Variants in ANKRD30BL observed in about 807,000 individuals in gnomAD.
ANKRD30BL encodes the protein putative ankyrin repeat domain-containing protein 30B-like.
ANKRD30BL carries 20 observed loss-of-function variants against 18.4 expected under a neutral mutation model. That is an observed-to-expected ratio of 1.09 (90% CI 0.77 to 1.58). The LOEUF (loss-of-function observed/expected upper bound fraction) is 1.58, where lower values mean the gene tolerates loss of function less well. ANKRD30BL is among the 40% of genes most tolerant of loss of function. The pLI is 0.00. For synonymous variants in ANKRD30BL, 72 were observed against 100.9 expected (o/e 0.71, Z 1.72); for missense variants, 224 against 268.6 (o/e 0.83, Z 1.16).
At position 132,218,963 on chromosome 2, in the gene ANKRD30BL, C is replaced by T. The variant is rs540671235; in HGVS notation, n.441+38566G>A. 1.0e-2 allele frequency among the ~76,000 whole-genome samples: 1,499 copies of T among 150,342 alleles called. 20 individuals carry two copies. The highest frequency in any genetic ancestry group is 0.034 in the African/African-American group (1,396 of 40,942). ...ACCGCTTTGAGGCCTTCGTTGGAAA[C>T]GGGAATATCTTCACATAAACACCAG... On this transcript the variant is annotated intron_variant and non_coding_transcript_variant, in intron 1 of 4. Coordinates refer to the ANKRD30BL transcript ENST00000470729.
intron 1 of ANKRD30BL, among the ~76,000 whole-genome samples, chr2:132,246,129 C>A (rs1432518286): frequency 6.6e-6 from 1 of 151,840 alleles, no homozygotes; most frequent in African/African-American, 2.4e-5. Flanking sequence ...GGAATATCTT[C>A]ACATAAAAAC....
intron 1 of ANKRD30BL, among the ~76,000 whole-genome samples, chr2:132,225,658 A>G (rs1015802255): frequency 5.3e-5 from 8 of 151,918 alleles, no homozygotes; most frequent in Non-Finnish European, 1.0e-4. Flanking sequence ...GGAAATGGGA[A>G]TATCTTCACA....
intron 1 of ANKRD30BL, among the ~76,000 whole-genome samples, chr2:132,235,538 C>A (rs1318082314): frequency 6.6e-6 from 1 of 152,026 alleles, no homozygotes; most frequent in African/African-American, 2.4e-5. Flanking sequence ...TTCTTATACA[C>A]CAACAACAGA....
chr2:132,245,855 T>A (rs1680484673), intron 1 of ANKRD30BL, among the ~76,000 whole-genome samples: 1 of 151,738 alleles, frequency 6.6e-6, no homozygotes, highest in African/African-American at 2.4e-5. Context: ...TCTCCTAGAA[T>A]TCAACATTCT....
At chr2:132,256,338 G>T (rs1465730689) in intron 1 of ANKRD30BL, among the ~76,000 whole-genome samples, 3 of 150,922 alleles carry the variant, frequency 2.0e-5, no homozygotes, top group African/African-American at 7.3e-5. Flanking sequence ...GCGGCGAACC[G>T]GACATCCCAT....
intron 4 of ANKRD30BL, chr2:132,153,386 C>T (rs1687815211): frequency 5.4e-6 from 2 of 373,768 alleles, no homozygotes; most frequent in East Asian, 7.4e-5. Flanking sequence ...AAGTAGACAA[C>T]ATTAGCGTCC....
chr2:132,231,404 T>C (rs1262742674), intron 1 of ANKRD30BL, among the ~76,000 whole-genome samples: 1 of 152,196 alleles, frequency 6.6e-6, no homozygotes, highest in Non-Finnish European at 1.5e-5. Context: ...AGACAGGTGA[T>C]TTCTGCCTTT....
chr2:132,200,577 G>A (rs916436683), intron 1 of ANKRD30BL, among the ~76,000 whole-genome samples: 21 of 152,016 alleles, frequency 1.4e-4, no homozygotes, highest in Admixed American at 6.6e-4. Context: ...CCTAGGAATC[G>A]GACTTACAAG....
chr2:132,160,462 G>A (rs1233900233), intron 1 of ANKRD30BL, among the ~76,000 whole-genome samples: 4 of 137,580 alleles, frequency 2.9e-5, no homozygotes, highest in Non-Finnish European at 4.6e-5. Context: ...ATTTTGAGAC[G>A]GAGTCTTGCT....
At chr2:132,198,323 TC>T (rs60570695) in intron 1 of ANKRD30BL, among the ~76,000 whole-genome samples, 818 of 7,900 alleles carry the variant, frequency 0.1, 14 homozygotes, top group Admixed American at 0.2. Flanking sequence ...TTTCTTTCTT[TC>T]TTTTTTTTTT....
At chr2:132,222,599 G>A (rs981756278) in intron 1 of ANKRD30BL, among the ~76,000 whole-genome samples, 2 of 151,928 alleles carry the variant, frequency 1.3e-5, no homozygotes, top group Non-Finnish European at 2.9e-5. Flanking sequence ...ATTAAGGGCG[G>A]TCCAAGATGT....
chr2:132,191,453 G>A (rs1678847477), intron 1 of ANKRD30BL, among the ~76,000 whole-genome samples: 1 of 152,002 alleles, frequency 6.6e-6, no homozygotes, highest in Non-Finnish European at 1.5e-5. Context: ...ATGTTTAACT[G>A]CCAAACTGCA....
chr2:132,230,162 C>T (rs537597519), intron 1 of ANKRD30BL, among the ~76,000 whole-genome samples: 2 of 151,202 alleles, frequency 1.3e-5, no homozygotes, highest in African/African-American at 2.4e-5. Flanking sequence ...GAAGCATTCT[C>T]AGAAACTTCT....
In ANKRD30BL at chr2:132,161,568, G is replaced by A. The variant is rs1446231256; in HGVS notation, c.138C>T (p.Ala46=). The part of the protein sequence containing the change: ...HGDLRKIHKA[A]SRGQAWKLER... ...CCAGCTTCCAGGCTTGGCCCCGGGA[G>A]GCAGCTTTGTGGATCTTCCTGAGAT... The change falls in exon 1 of 6, where the codon GCC becomes GCT. Residue 46 remains alanine (A), a synonymous_variant. Coordinates refer to ENST00000409867, the MANE Select transcript of ANKRD30BL (RefSeq NM_001358416.1). 4 of 1,456,808 alleles carry A rather than the reference G, an allele frequency of 2.7e-6. No homozygotes were observed. Among genetic ancestry groups the A allele is most frequent in the Non-Finnish European group, 3.8e-6 (4 of 1,063,424 alleles). 90.2% of individuals were successfully genotyped at this position (1,456,808 alleles called of 1,614,324 possible). A position where few individuals can be genotyped will look rare whatever the true frequency, so the allele number is the denominator to read the frequency against.
chr2:132,221,216 C>A (rs1196542482), intron 1 of ANKRD30BL, among the ~76,000 whole-genome samples: 2 of 144,842 alleles, frequency 1.4e-5, no homozygotes, highest in African/African-American at 2.8e-5. Flanking sequence ...CCCCGCCCGG[C>A]CAGCCGCCCC....
At chr2:132,182,716 C>T (rs991540690) in intron 1 of ANKRD30BL, among the ~76,000 whole-genome samples, 6 of 152,020 alleles carry the variant, frequency 3.9e-5, no homozygotes, top group Non-Finnish European at 8.8e-5. Context: ...AAAATAGTAA[C>T]TTTAATTGTT....
intron 1 of ANKRD30BL, among the ~76,000 whole-genome samples, chr2:132,231,135 A>G (rs62166171): frequency 6.6e-5 from 10 of 152,086 alleles, no homozygotes; most frequent in African/African-American, 2.2e-4. Context: ...TTTGAGGCCT[A>G]TGGTGGAAAA....
At chr2:132,225,633 G>A (rs577742490) in intron 1 of ANKRD30BL, among the ~76,000 whole-genome samples, 10 of 151,568 alleles carry the variant, frequency 6.6e-5, no homozygotes, top group East Asian at 2.0e-4. Flanking sequence ...TTTGGAACGC[G>A]TTGAGGCATT....
chr2:132,149,464 T>C (rs1687699158), intron 5 of ANKRD30BL, among the ~76,000 whole-genome samples: 1 of 152,200 alleles, frequency 6.6e-6, no homozygotes, highest in South Asian at 2.1e-4. Flanking sequence ...CTATGTAACA[T>C]AACCTGTACT....
Sources: gnomAD v4.1 joint callset for allele counts (sites outside exome capture counted in the v4.1 genomes callset) on GRCh38, gnomAD v4.1.1 for gene constraint, MANE v1.5 for transcripts, NCBI Gene and HGNC (gene_info 2026-07-23, HGNC 2026-07-21) for gene names.